SLC15A5: variants seen among roughly 807,000 people sequenced by gnomAD.
SLC15A5 encodes solute carrier family 15 member 5, also known as Peptide/histidine transporter ENSP00000340402.
SLC15A5 carries 58 observed loss-of-function variants against 56.1 expected under a neutral mutation model. The observed-to-expected ratio is 1.03, with a 90% CI of 0.84 to 1.29. The LOEUF (loss-of-function observed/expected upper bound fraction) is 1.29. SLC15A5 is among the 50% of genes most tolerant of loss of function. SLC15A5 has a pLI of 0.00. For synonymous variants in SLC15A5, 264 were observed against 250.5 expected (o/e 1.05, Z -0.51); for missense variants, 681 against 672.1 (o/e 1.01, Z -0.15).
intron 8 of SLC15A5, among the ~76,000 whole-genome samples, chr12:16,192,583 GT>G (rs1398186942): frequency 6.6e-6 from 1 of 152,032 alleles, no homozygotes; most frequent in African/African-American, 2.4e-5. Context: ...TAGACTACAA[GT>G]TTGCCTGTTC....
chr12:16,191,345 C>T lies in SLC15A5; in HGVS notation c.1593-1530G>A, dbSNP rs556464110. On this transcript the variant is annotated intron_variant, in intron 8 of 8. Transcript: ENST00000344941. ...GGGGTGTCTAGGGTGCTAAAACAGA[C>T]CTCATCCTACCTGTATTTTGGTGAG... 8.5e-5 allele frequency among the ~76,000 whole-genome samples: 13 copies of T among 152,082 alleles called. No homozygotes were observed. The Middle Eastern group carries it at 0.01, about 119-fold the overall frequency.
chr12:16,277,213 C>G, intron 1 of SLC15A5, 112 bp downstream of exon 1: 1 of 1,082,622 alleles, frequency 9.2e-7, no homozygotes, highest in Non-Finnish European at 1.3e-6. Flanking sequence ...ATTCTTACTT[C>G]ATTTATCACA....
chr12:16,225,665 G>A (rs1039898300), intron 5 of SLC15A5, among the ~76,000 whole-genome samples: 2 of 152,156 alleles, frequency 1.3e-5, no homozygotes, highest in African/African-American at 4.8e-5. Flanking sequence ...CTTCTCAAAA[G>A]AAGACATTTA....
At chr12:16,216,796 A>C in intron 7 of SLC15A5, 97 bp downstream of exon 7, 3 of 1,051,516 alleles carry the variant, frequency 2.9e-6, no homozygotes, top group Non-Finnish European at 3.9e-6. Context: ...CAATTAAAAA[A>C]AGACTGCACT....
rs71438372 is a variant in SLC15A5, at chr12:16,229,647, T to TACACACACACACAC, written c.1163-5059_1163-5046dup. Among the ~76,000 whole-genome samples, 202 of 144,384 alleles carry TACACACACACACAC rather than the reference T, an allele frequency of 1.4e-3. 1 individual carries two copies. Among genetic ancestry groups the TACACACACACACAC allele is most frequent in the African/African-American group, 4.9e-3 (190 of 38,894 alleles). The allele number at this position is 144,384 out of a possible 152,430, so 94.7% of individuals were successfully genotyped here. A position where few individuals can be genotyped will look rare whatever the true frequency, so the allele number is the denominator to read the frequency against. On this transcript the variant is annotated intron_variant, in intron 5 of 8. Transcript: ENST00000344941. ...GTTCAAAGTAAGCAACACACACACA[T>TACACACACACACAC]ACACACACACACACACACACACACA...
At position 16,271,698 on chromosome 12, in the gene SLC15A5, T is replaced by C. The variant is rs1312357290; in HGVS notation, c.584+863A>G. On this transcript the variant is annotated intron_variant, in intron 2 of 8. Coordinates refer to ENST00000344941, the MANE Select transcript of SLC15A5 (RefSeq NM_001170798.1). This position sits in a 1 kb window ranked among gnomAD's most constrained non-coding sequence, Gnocchi z 8.0. ...ATGGACAATGTAGCTCACATCTGTT[T>C]GACATCCACTGATAGATAACAAAGA... is the stretch of plus-strand genomic sequence containing the variant. Among the ~76,000 whole-genome samples the C allele has an allele frequency of 1.3e-5, 2 of 152,218 alleles. No individual in the cohort carries two copies. Among genetic ancestry groups the C allele is most frequent in the Non-Finnish European group, 2.9e-5 (2 of 68,034 alleles).
Position 16,238,483 on chromosome 12 carries a change from A to T in SLC15A5, c.1162+1198T>A, listed in dbSNP as rs928032376. ...TCTACTAAAAATGCAAAAAAAAATTAGCCAGGCGTGGTGGTGGGCACTTGT... is the reference window on the plus strand; with the variant it reads ...TCTACTAAAAATGCAAAAAAAAATTTGCCAGGCGTGGTGGTGGGCACTTGT... On this transcript the variant is annotated intron_variant, in intron 5 of 8. Coordinates refer to ENST00000344941, the MANE Select transcript of SLC15A5 (RefSeq NM_001170798.1). 2.6e-5 allele frequency among the ~76,000 whole-genome samples: 4 copies of T among 151,924 alleles called. No individual in the cohort carries two copies. In the East Asian group the frequency reaches 7.7e-4, roughly 29 times the overall value.
chr12:16,241,589 AT>A (rs1223547537), intron 4 of SLC15A5, among the ~76,000 whole-genome samples: 3 of 152,194 alleles, frequency 2.0e-5, no homozygotes, highest in Non-Finnish European at 4.4e-5. Flanking sequence ...CTGAGTACAG[AT>A]GGCAAGAGTT....
chr12:16,243,949 T>C lies in SLC15A5; in HGVS notation c.975+631A>G, dbSNP rs563473895. Among the ~76,000 whole-genome samples, 1 of 152,240 alleles carries C rather than the reference T, an allele frequency of 6.6e-6. No individual in the cohort carries two copies. Among genetic ancestry groups the C allele is most frequent in the Non-Finnish European group, 1.5e-5 (1 of 68,044 alleles). On this transcript the variant is annotated intron_variant, in intron 4 of 8. Coordinates refer to ENST00000344941, the MANE Select transcript of SLC15A5 (RefSeq NM_001170798.1). The surrounding 1 kb of genome is among the most constrained non-coding windows in gnomAD (Gnocchi z 4.4). ...TCCCAGATTTGTTCAAATACTTTTG[T>C]AATCATTTATTTTTCTCAGTAAATA...
intron 3 of SLC15A5, among the ~76,000 whole-genome samples, chr12:16,248,185 G>A (rs1617776): frequency 0.48 from 73,216 of 151,880 alleles, 18,102 homozygotes; most frequent in Non-Finnish European, 0.54. Context: ...GTCAAATTAA[G>A]TTTGAGGAAT....
chr12:16,256,911 GGAATAGATAGAT>G (rs1243880064), intron 3 of SLC15A5, among the ~76,000 whole-genome samples: 1 of 47,274 alleles, frequency 2.1e-5, no homozygotes, highest in African/African-American at 7.2e-5. Context: ...AGATGCATGG[GGAATAGATAGAT>G]AGATAGATAG....
rs193085205 is a variant in SLC15A5 at position 16,200,196 on chromosome 12, T to A, written c.1484-5743A>T. Among the ~76,000 whole-genome samples the A allele has an allele frequency of 1.5e-4, 23 of 150,210 alleles. 1 individual carries two copies. Among genetic ancestry groups the A allele is most frequent in the Admixed American group, 1.0e-3 (15 of 15,038 alleles). ...AAAGCTTAAAATAATAATAATATTATTAATAATAATATAATAATGAATGAG... is the reference window on the plus strand; with the variant it reads ...AAAGCTTAAAATAATAATAATATTAATAATAATAATATAATAATGAATGAG... On this transcript the variant is annotated intron_variant, in intron 7 of 8. Coordinates refer to ENST00000344941, the MANE Select transcript of SLC15A5 (RefSeq NM_001170798.1).
chr12:16,203,119 T>G (rs1351482741), intron 7 of SLC15A5, among the ~76,000 whole-genome samples: 1 of 152,126 alleles, frequency 6.6e-6, no homozygotes, highest in Non-Finnish European at 1.5e-5. Flanking sequence ...AAACAGTGGA[T>G]TTTAAATGTT....
At chr12:16,250,397 A>G (rs569348366) in intron 3 of SLC15A5, among the ~76,000 whole-genome samples, 2 of 152,200 alleles carry the variant, frequency 1.3e-5, no homozygotes, top group Non-Finnish European at 2.9e-5. Flanking sequence ...CATTGTAGGT[A>G]TATGATAAAA....
chr12:16,277,454 G>A lies in SLC15A5; in HGVS notation c.232C>T (p.Gln78Ter), dbSNP rs1484240916. 5 of 1,536,506 alleles carry A rather than the reference G, an allele frequency of 3.3e-6. No individual in the cohort carries two copies. Among genetic ancestry groups the A allele is most frequent in the Non-Finnish European group, 4.4e-6 (5 of 1,146,436 alleles). The change falls in exon 1 of 9, where the codon CAA becomes TAA. Residue 78 changes from glutamine to a stop codon, truncating the protein, a stop_gained. Transcript: ENST00000344941. LOFTEE classifies it high-confidence loss of function. ...CTIKLGYHNC[Q>*]AAILNLCFIG... Reference sequence around the variant, plus strand: ...AAACACAAGTTTAAGATGGCTGCTTGGCAATTGTGATAGCCAAGCTTGATA... The same window carrying A: ...AAACACAAGTTTAAGATGGCTGCTTAGCAATTGTGATAGCCAAGCTTGATA...
At chr12:16,231,229 T>C (rs971847577) in intron 5 of SLC15A5, among the ~76,000 whole-genome samples, 6 of 152,198 alleles carry the variant, frequency 3.9e-5, no homozygotes, top group Admixed American at 3.3e-4. Context: ...TACATTCCAA[T>C]ATCTAGAGCA....
chr12:16,229,647 T>TAC (rs71438372), intron 5 of SLC15A5, among the ~76,000 whole-genome samples: 7,887 of 144,090 alleles, frequency 0.055, 207 homozygotes, highest in Middle Eastern at 0.082. Context: ...CACACACACA[T>TAC]ACACACACAC....
chr12:16,262,304 TTCATTCCTC>T (rs200360801), intron 2 of SLC15A5, among the ~76,000 whole-genome samples: 1,618 of 152,310 alleles, frequency 0.011, 34 homozygotes, highest in African/African-American at 0.036. Flanking sequence ...GAAATTACCT[TTCATTCCTC>T]TCATTCCTCT....
At chr12:16,249,098 T>TAA (rs1042432272) in intron 3 of SLC15A5, among the ~76,000 whole-genome samples, 1 of 151,764 alleles carries the variant, frequency 6.6e-6, no homozygotes, top group African/African-American at 2.4e-5. Context: ...TAATTATAAT[T>TAA]AAAAAAAAGC....
Sources: gnomAD v4.1 joint callset for allele counts (sites outside exome capture counted in the v4.1 genomes callset) on GRCh38, gnomAD v4.1.1 for gene constraint, Gnocchi (gnomAD v3.1) non-coding constraint, MANE v1.5 for transcripts, NCBI Gene and HGNC (gene_info 2026-07-23, HGNC 2026-07-21) for gene names.